PCCA: variants seen among roughly 807,000 people sequenced by gnomAD.
The protein encoded by PCCA is propionyl-CoA carboxylase subunit alpha.
In PCCA, 74 loss-of-function variants were observed where a neutral mutation model predicts 101.3. That is an observed-to-expected ratio of 0.73 (90% CI 0.61 to 0.89). The LOEUF (loss-of-function observed/expected upper bound fraction) is 0.89, where lower values mean the gene tolerates loss of function less well. Ranked by LOEUF, PCCA falls within the 40% of genes least tolerant of loss-of-function variation. The pLI is 0.00. For synonymous variants in PCCA, 294 were observed against 313.6 expected (o/e 0.94, Z 0.66); for missense variants, 891 against 907.0 (o/e 0.98, Z 0.23).
chr13:100,275,962 T>G (rs1199989562), intron 12 of PCCA, among the ~76,000 whole-genome samples: 1 of 152,176 alleles, frequency 6.6e-6, no homozygotes, highest in African/African-American at 2.4e-5. Context: ...CTCCCACATA[T>G]TTACCTTTCT....
At chr13:100,463,336 G>GT (rs574359198) in intron 21 of PCCA, among the ~76,000 whole-genome samples, 2,969 of 114,250 alleles carry the variant, frequency 0.026, 84 homozygotes, top group African/African-American at 0.067. Context: ...TATTGGTGTG[G>GT]TTTTTTTTTT....
intron 8 of PCCA, among the ~76,000 whole-genome samples, chr13:100,246,220 C>T (rs2061418382): frequency 6.6e-6 from 1 of 152,142 alleles, no homozygotes; most frequent in Non-Finnish European, 1.5e-5. Context: ...TACTTAATAA[C>T]TTTGAGATAT....
chr13:100,343,926 T>A (rs2071783432), intron 18 of PCCA, among the ~76,000 whole-genome samples: 1 of 152,048 alleles, frequency 6.6e-6, no homozygotes, highest in Non-Finnish European at 1.5e-5. Context: ...AATACAAAAA[T>A]TAGCCAGGCT....
intron 6 of PCCA, among the ~76,000 whole-genome samples, chr13:100,174,049 T>G (rs1430036818): frequency 3.3e-5 from 5 of 152,156 alleles, no homozygotes; most frequent in African/African-American, 1.2e-4. Flanking sequence ...GAAAATGGAC[T>G]AATACATAAT....
At chr13:100,162,634 A>G (rs751547485) in intron 6 of PCCA, among the ~76,000 whole-genome samples, 1 of 152,144 alleles carries the variant, frequency 6.6e-6, no homozygotes, top group African/African-American at 2.4e-5. Flanking sequence ...TGTTTTTCTC[A>G]TCTTGTAACT....
At chr13:100,207,537 C>T (rs553006653) in intron 6 of PCCA, among the ~76,000 whole-genome samples, 24 of 152,010 alleles carry the variant, frequency 1.6e-4, no homozygotes, top group African/African-American at 4.6e-4. Context: ...CATGCCACCA[C>T]GCCCAGCTAA....
intron 1 of PCCA, among the ~76,000 whole-genome samples, chr13:100,093,137 C>A (rs2046426545): frequency 7.2e-6 from 1 of 138,026 alleles, no homozygotes; most frequent in Non-Finnish European, 1.5e-5. Context: ...TGGGAAGAAA[C>A]ACTTTTTTGG....
chr13:100,353,029 A>C (rs564935669), intron 18 of PCCA, among the ~76,000 whole-genome samples: 1 of 152,372 alleles, frequency 6.6e-6, no homozygotes, highest in South Asian at 2.1e-4. Context: ...TGTTCAAGAC[A>C]AAATTATTGC....
chr13:100,124,059 A>G (rs900870469), intron 4 of PCCA, among the ~76,000 whole-genome samples: 7 of 152,224 alleles, frequency 4.6e-5, no homozygotes, highest in African/African-American at 1.4e-4. Context: ...TACTTCTCCA[A>G]ATGAATGTTT....
intron 19 of PCCA, among the ~76,000 whole-genome samples, chr13:100,406,358 C>T (rs1464099414): frequency 6.6e-6 from 1 of 152,206 alleles, no homozygotes; most frequent in Non-Finnish European, 1.5e-5. Flanking sequence ...CAAACATGCT[C>T]CAAACCTTCA....
intron 22 of PCCA, among the ~76,000 whole-genome samples, chr13:100,522,002 G>A (rs1217877838): frequency 6.6e-6 from 1 of 152,238 alleles, no homozygotes; most frequent in Non-Finnish European, 1.5e-5. Flanking sequence ...CCCAAAAAGG[G>A]GACTTAATTT....
At chr13:100,512,074 A>G (rs1371996414) in intron 21 of PCCA, among the ~76,000 whole-genome samples, 1 of 152,076 alleles carries the variant, frequency 6.6e-6, no homozygotes, top group Non-Finnish European at 1.5e-5. Context: ...CCAGACTGTG[A>G]CTAGCCGCCG....
At chr13:100,166,015 TTGTACACTTATATG>T (rs1395991836) in intron 6 of PCCA, among the ~76,000 whole-genome samples, 1 of 152,246 alleles carries the variant, frequency 6.6e-6, no homozygotes, top group Non-Finnish European at 1.5e-5. Flanking sequence ...AAGAAATTAA[TTGTACACTTATATG>T]TGTACACTTA....
At chr13:100,101,144 TGCTTTTTACA>T (rs2047243084) in intron 1 of PCCA, among the ~76,000 whole-genome samples, 1 of 152,228 alleles carries the variant, frequency 6.6e-6, no homozygotes, top group Non-Finnish European at 1.5e-5. Context: ...GAGGCATCTA[TGCTTTTTACA>T]GCTTTAGGCC....
At chr13:100,169,773 C>T (rs531798422) in intron 6 of PCCA, among the ~76,000 whole-genome samples, 54 of 149,370 alleles carry the variant, frequency 3.6e-4, no homozygotes, top group Middle Eastern at 3.6e-3. Context: ...GATCTCAGTT[C>T]GCTACAGACT....
intron 7 of PCCA, among the ~76,000 whole-genome samples, chr13:100,229,593 T>C (rs891639358): frequency 2.6e-5 from 4 of 152,216 alleles, no homozygotes; most frequent in Admixed American, 2.6e-4. Flanking sequence ...CACAAGTTAC[T>C]TCCTCCTTCC....
intron 17 of PCCA, 41 bp downstream of exon 17, chr13:100,330,712 AT>A: frequency 8.6e-7 from 1 of 1,156,416 alleles, no homozygotes; most frequent in Non-Finnish European, 1.3e-6. Flanking sequence ...TAAAGTTGTT[AT>A]TTTTATACTT....
At chr13:100,243,208 G>A (rs543116000) in intron 8 of PCCA, among the ~76,000 whole-genome samples, 2 of 152,282 alleles carry the variant, frequency 1.3e-5, no homozygotes, top group East Asian at 1.9e-4. Context: ...TTACTATTTT[G>A]TAGTAAAATT....
chr13:100,498,258 G>A (rs905044059), intron 21 of PCCA, among the ~76,000 whole-genome samples: 1 of 149,006 alleles, frequency 6.7e-6, no homozygotes, highest in African/African-American at 2.5e-5. Context: ...AAAAATTACC[G>A]ATTTTTTTTT....
Sources: gnomAD v4.1 joint callset for allele counts (sites outside exome capture counted in the v4.1 genomes callset) on GRCh38, gnomAD v4.1.1 for gene constraint, MANE v1.5 for transcripts, NCBI Gene and HGNC (gene_info 2026-07-23, HGNC 2026-07-21) for gene names.